Variants in PIPOX observed in about 807,000 individuals in gnomAD.
PIPOX encodes pipecolic acid and sarcosine oxidase.
Under a neutral mutation model 47.9 loss-of-function variants are expected in PIPOX, and 45 were observed. That is an observed-to-expected ratio of 0.94 (90% CI 0.74 to 1.20). The LOEUF (loss-of-function observed/expected upper bound fraction) is 1.20, where lower values mean the gene tolerates loss of function less well. PIPOX is among the 50% of genes most tolerant of loss of function. The pLI is 0.00. For synonymous variants in PIPOX, 165 were observed against 191.3 expected (o/e 0.86, Z 1.13); for missense variants, 458 against 498.4 (o/e 0.92, Z 0.77).
At chr17:29,053,289 G>A in intron 3 of PIPOX, 124 bp from the exon 4 acceptor site, 1 of 1,203,570 alleles carries the variant, frequency 8.3e-7, no homozygotes, top group Non-Finnish European at 1.2e-6. Context: ...TATGCGGCTG[G>A]CCTTGTCAAT....
chr17:29,052,972 A>G lies in PIPOX; in HGVS notation c.316A>G (p.Ile106Val). ...GMKENQELKTIQANLSRQRVE... is the reference protein window; with the variant it reads ...GMKENQELKTVQANLSRQRVE... ...GAAAGAGAATCAAGAATTAAAGACA[A>G]TCCAGGCCAATCTGTCGAGGCAGAG... Residue 106 changes from isoleucine (I) to valine (V), a missense_variant, in exon 3 of 8, where the codon ATC becomes GTC. Ile to Val is a conservative substitution (Grantham distance 29). Coordinates refer to ENST00000323372, the MANE Select transcript of PIPOX (RefSeq NM_016518.3). 1 of 1,614,234 alleles carries G rather than the reference A, an allele frequency of 6.2e-7. No individual in the cohort carries two copies. Among genetic ancestry groups the G allele is most frequent in the Non-Finnish European group, 8.5e-7 (1 of 1,180,040 alleles).
At chr17:29,044,805 G>A in intron 1 of PIPOX, 54 bp from the exon 2 acceptor site, 9 of 1,549,648 alleles carry the variant, frequency 5.8e-6, no homozygotes, top group Non-Finnish European at 7.9e-6. Context: ...CTTAACAGGG[G>A]ATGCAGTGTG....
In PIPOX at chr17:29,054,953, G is replaced by A. The variant is rs1016683445; in HGVS notation, c.808-110G>A. On this transcript the variant is annotated intron_variant, in intron 5 of 7. Coordinates refer to ENST00000323372, the MANE Select transcript of PIPOX (RefSeq NM_016518.3). ...GCCCACAGCACCTGCCAGGAGTGGG[G>A]AAGGCTGGAATGATGGATGGGGCTG... The A allele has an allele frequency of 3.5e-6, 5 of 1,433,412 alleles. No homozygotes were observed. In the African/African-American group the frequency reaches 7.0e-5, roughly 20 times the overall value. The allele number at this position is 1,433,412 out of a possible 1,614,324, so 88.8% of individuals were successfully genotyped here. A position where few individuals can be genotyped will look rare whatever the true frequency, so the allele number is the denominator to read the frequency against.
chr17:29,056,411 C>A lies in PIPOX; in HGVS notation c.*106C>A. The A allele has an allele frequency of 1.5e-6, 2 of 1,335,560 alleles. No homozygotes were observed. Among genetic ancestry groups the A allele is most frequent in the South Asian group, 2.6e-5 (2 of 76,684 alleles). The allele number at this position is 1,335,560 out of a possible 1,614,324, so 82.7% of individuals were successfully genotyped here. A position where few individuals can be genotyped will look rare whatever the true frequency, so the allele number is the denominator to read the frequency against. On this transcript the variant is annotated 3_prime_UTR_variant, in exon 8 of 8. Coordinates refer to ENST00000323372, the MANE Select transcript of PIPOX (RefSeq NM_016518.3). ...CTGAGATATCATCCTTTTCTTCTGC[C>A]TCGCCTGAATCCCCCATAAACACCA... is the stretch of plus-strand genomic sequence containing the variant.
intron 1 of PIPOX, among the ~76,000 whole-genome samples, chr17:29,043,907 C>T (rs1389052744): frequency 2.0e-5 from 3 of 152,064 alleles, no homozygotes; most frequent in Non-Finnish European, 2.9e-5. Flanking sequence ...TTTCCTGCTA[C>T]GCAGTGCAGT....
chr17:29,050,797 C>G (rs2065802963), intron 2 of PIPOX, among the ~76,000 whole-genome samples: 1 of 151,648 alleles, frequency 6.6e-6, no homozygotes, highest in Admixed American at 6.6e-5. Flanking sequence ...TGCACCCCAG[C>G]CTGGGTGATA....
chr17:29,050,333 G>T (rs1203925558), intron 2 of PIPOX, among the ~76,000 whole-genome samples: 1 of 152,190 alleles, frequency 6.6e-6, no homozygotes, highest in Non-Finnish European at 1.5e-5. Flanking sequence ...CTCCCAGCCA[G>T]GACCCCATTG....
chr17:29,043,253 G>A lies in PIPOX; in HGVS notation c.28G>A (p.Ala10Thr), dbSNP rs750353849. 5 of 1,613,314 alleles carry A rather than the reference G, an allele frequency of 3.1e-6. No homozygotes were observed. The highest frequency in any genetic ancestry group is 2.2e-5 in the East Asian group (1 of 44,862). Reference sequence around the variant, plus strand: ...GGCGGCTCAGAAAGATCTCTGGGACGCCATTGTGATTGGGGCGGGGATCCA... The same window carrying A: ...GGCGGCTCAGAAAGATCTCTGGGACACCATTGTGATTGGGGCGGGGATCCA... MAAQKDLWDAIVIGAGIQGC... is the reference protein window; with the variant it reads MAAQKDLWDTIVIGAGIQGC... Residue 10 changes from alanine (A) to threonine (T), a missense_variant, in exon 1 of 8, where the codon GCC (alanine) becomes ACC (threonine). Ala to Thr is a moderately conservative substitution (Grantham distance 58). Transcript: ENST00000323372.
intron 2 of PIPOX, among the ~76,000 whole-genome samples, chr17:29,050,120 A>G (rs187294281): frequency 4.6e-5 from 7 of 152,332 alleles, no homozygotes; most frequent in Admixed American, 2.6e-4. Flanking sequence ...AAGAGGAGTC[A>G]TTTCAAGGAA....
intron 3 of PIPOX, 126 bp from the exon 4 acceptor site, chr17:29,053,287 T>G (rs1876758000): frequency 1.7e-6 from 2 of 1,196,284 alleles, no homozygotes; most frequent in Non-Finnish European, 2.4e-6. Context: ...TATATGCGGC[T>G]GGCCTTGTCA....
At position 29,055,230 on chromosome 17, in the gene PIPOX, T is replaced by C. The variant is rs1261546633; in HGVS notation, c.966+9T>C. Reference sequence around the variant, plus strand: ...AGAGCTGCATGTACACGGTAAGGGGTCTGGGCAGCCTTGCTGGGCCCCCTC... The same window carrying C: ...AGAGCTGCATGTACACGGTAAGGGGCCTGGGCAGCCTTGCTGGGCCCCCTC... On this transcript the variant is annotated intron_variant, in intron 6 of 7. Coordinates refer to ENST00000323372, the MANE Select transcript of PIPOX (RefSeq NM_016518.3). 1 of 1,613,900 alleles carries C rather than the reference T, an allele frequency of 6.2e-7. No individual in the cohort carries two copies. Among genetic ancestry groups the C allele is most frequent in the Non-Finnish European group, 8.5e-7 (1 of 1,179,980 alleles).
rs868231402 is a variant in PIPOX, at chr17:29,053,065, G to A, written c.409G>A (p.Gly137Arg). 4 of 1,614,106 alleles carry A rather than the reference G, an allele frequency of 2.5e-6. No individual in the cohort carries two copies. In the African/African-American group the frequency reaches 5.3e-5, roughly 22 times the overall value. ...TTTCCCAAATATTCGGTTGCCCAGGGGAGAAGTGGGGCTCTTGGACAATTC... is the reference window on the plus strand; with the variant it reads ...TTTCCCAAATATTCGGTTGCCCAGGAGAGAAGTGGGGCTCTTGGACAATTC... ...QRFPNIRLPRGEVGLLDNSGG... is the reference protein window; with the variant it reads ...QRFPNIRLPRREVGLLDNSGG... The change falls in exon 3 of 8, where the codon GGA becomes AGA. Residue 137 changes from glycine to arginine, a missense_variant. Gly to Arg is a moderately radical substitution (Grantham distance 125). Coordinates refer to ENST00000323372, the MANE Select transcript of PIPOX (RefSeq NM_016518.3).
intron 1 of PIPOX, among the ~76,000 whole-genome samples, chr17:29,044,625 A>G (rs2152698078): frequency 6.6e-6 from 1 of 152,268 alleles, no homozygotes; most frequent in East Asian, 1.9e-4. Flanking sequence ...AAGTGCCACC[A>G]CACCTGATAG....
At chr17:29,043,538 G>GCAATTCAAAGAA (rs2065774471) in intron 1 of PIPOX, among the ~76,000 whole-genome samples, 199 bp downstream of exon 1, 2 of 152,106 alleles carry the variant, frequency 1.3e-5, no homozygotes, top group Non-Finnish European at 2.9e-5. Flanking sequence ...ACCCACATTG[G>GCAATTCAAAGAA]GTTTCTAGGC....
intron 4 of PIPOX, 92 bp downstream of exon 4, chr17:29,053,687 A>G (rs946597588): frequency 1.1e-6 from 1 of 939,788 alleles, no homozygotes; most frequent in Non-Finnish European, 1.6e-6. Context: ...GCCTCTTGCT[A>G]GTGGACAACC....
chr17:29,045,234 C>T (rs1325223046), intron 2 of PIPOX, among the ~76,000 whole-genome samples: 3 of 152,018 alleles, frequency 2.0e-5, no homozygotes, highest in African/African-American at 7.2e-5. Flanking sequence ...ACCATGTGTC[C>T]AAGGCTAGCA....
rs1292088007 is a variant in PIPOX, at chr17:29,055,864, A to C, written c.1018A>C (p.Ile340Leu). 3 of 1,613,788 alleles carry C rather than the reference A, an allele frequency of 1.9e-6. No individual in the cohort carries two copies. The South Asian group carries it at 3.3e-5, about 18-fold the overall frequency. Reference protein sequence around the residue: ...ILDRHPKYDNIVIGAGFSGHG... With the variant: ...ILDRHPKYDNLVIGAGFSGHG... ...CGATCGCCACCCAAAGTATGACAAC[A>C]TTGTCATTGGTGCTGGATTCTCTGG... The change falls in exon 7 of 8, where the codon ATT becomes CTT. Residue 340 changes from isoleucine (I) to leucine (L), a missense_variant. Transcript: ENST00000323372.
At chr17:29,048,821 T>C (rs8067401) in intron 2 of PIPOX, among the ~76,000 whole-genome samples, 47,199 of 152,098 alleles carry the variant, frequency 0.31, 9,306 homozygotes, top group African/African-American at 0.57. Flanking sequence ...GAAGATGAAA[T>C]GCCTAGAGCT....
At chr17:29,050,735 G>T (rs552104452) in intron 2 of PIPOX, among the ~76,000 whole-genome samples, 1 of 152,218 alleles carries the variant, frequency 6.6e-6, no homozygotes, top group African/African-American at 2.4e-5. Flanking sequence ...AACTTGGAGG[G>T]CTGAGGCAGG....
Sources: allele counts gnomAD v4.1 joint callset (sites outside exome capture counted in the v4.1 genomes callset), GRCh38; gene constraint gnomAD v4.1.1; transcripts MANE v1.5; gene names NCBI Gene and HGNC (gene_info 2026-07-23, HGNC 2026-07-21).